Variants in TSPAN9 observed in about 807,000 individuals in gnomAD.
TSPAN9 encodes tetraspanin 9, also known as tetraspanin-9.
A neutral mutation model predicts 31.0 loss-of-function variants in TSPAN9; 16 were observed. That is an observed-to-expected ratio of 0.52 (90% CI 0.35 to 0.78). TSPAN9 has a LOEUF of 0.78. Among genes scored for constraint, TSPAN9 ranks in the 30% least tolerant of loss-of-function variants. TSPAN9 has a pLI of 0.01. For missense variants in TSPAN9, 272 were observed against 312.5 expected (o/e 0.87, Z 0.98); for synonymous variants, 145 against 121.6 (o/e 1.19, Z -1.27).
chr12:3,115,682 GCA>G (rs2098321952), intron 2 of TSPAN9, among the ~76,000 whole-genome samples: 1 of 152,080 alleles, frequency 6.6e-6, no homozygotes, highest in Non-Finnish European at 1.5e-5. Flanking sequence ...TTTAATTAGG[GCA>G]CAATCCCATT....
intron 2 of TSPAN9, among the ~76,000 whole-genome samples, chr12:3,088,375 C>T (rs762687048): frequency 3.9e-5 from 6 of 152,154 alleles, no homozygotes; most frequent in Admixed American, 6.5e-5. Flanking sequence ...ACAGCATCAC[C>T]CATGGTGTGA....
intron 2 of TSPAN9, among the ~76,000 whole-genome samples, chr12:3,155,975 C>A (rs556053043): frequency 6.6e-6 from 1 of 152,148 alleles, no homozygotes; most frequent in Non-Finnish European, 1.5e-5. Flanking sequence ...ACAGCCATGA[C>A]GTATGAGCCT....
intron 3 of TSPAN9, among the ~76,000 whole-genome samples, chr12:3,213,327 C>A (rs1303054635): frequency 6.6e-6 from 1 of 152,192 alleles, no homozygotes; most frequent in African/African-American, 2.4e-5. Context: ...TCACTCTGCC[C>A]CCTGCCCTCT....
At chr12:3,115,793 G>T (rs2098322013) in intron 2 of TSPAN9, among the ~76,000 whole-genome samples, 1 of 152,106 alleles carries the variant, frequency 6.6e-6, no homozygotes, top group African/African-American at 2.4e-5. Context: ...GAATATTTTG[G>T]GGACACAAAT....
Position 3,281,256 on chromosome 12 carries a change from C to T in TSPAN9, c.491C>T (p.Thr164Met), listed in dbSNP as rs765122840. The T allele has an allele frequency of 2.2e-5, 34 of 1,551,256 alleles. No individual in the cohort carries two copies. The highest frequency in any genetic ancestry group is 1.6e-4 in the Admixed American group (8 of 50,992). ...TDWYPVLGEN[T>M]VPDRCCMENS... is the part of the protein sequence containing the mutation. The stretch of plus-strand genomic sequence containing the variant: ...TGGTACCCAGTGCTGGGGGAGAACA[C>T]GGTTCCCGACCGCTGCTGCATGGAG... Residue 164 changes from threonine to methionine, a missense_variant, in exon 7 of 9, where the codon ACG becomes ATG. Transcript: ENST00000011898.
intron 2 of TSPAN9, among the ~76,000 whole-genome samples, chr12:3,188,598 C>T (rs1438937157): frequency 6.6e-6 from 1 of 152,080 alleles, no homozygotes; most frequent in African/African-American, 2.4e-5. Flanking sequence ...TGTGCCCTGG[C>T]GCCTGGCCTG....
chr12:3,230,226 C>T (rs559717324), intron 3 of TSPAN9, among the ~76,000 whole-genome samples: 22 of 152,246 alleles, frequency 1.4e-4, no homozygotes, highest in African/African-American at 4.6e-4. Flanking sequence ...AGGCCGGTGC[C>T]GGTTATAGGC....
intron 3 of TSPAN9, among the ~76,000 whole-genome samples, chr12:3,248,700 G>A (rs1256517359): frequency 2.0e-5 from 3 of 151,642 alleles, no homozygotes; most frequent in Admixed American, 6.6e-5. Context: ...GTTTGGTTAT[G>A]CCCCCTGCTC....
At chr12:3,117,138 C>T (rs1245041007) in intron 2 of TSPAN9, among the ~76,000 whole-genome samples, 1 of 152,140 alleles carries the variant, frequency 6.6e-6, no homozygotes, top group East Asian at 1.9e-4. Flanking sequence ...AAGGCCTGTC[C>T]CCATTTCCCC....
At chr12:3,198,888 T>TCAGCACAGGCCACCAC (rs2098369471) in intron 2 of TSPAN9, among the ~76,000 whole-genome samples, 3 of 115,008 alleles carry the variant, frequency 2.6e-5, no homozygotes, top group South Asian at 2.9e-4. Context: ...CAGGTCACCA[T>TCAGCACAGGCCACCAC]CAGCACAGGT....
chr12:3,207,380 G>C (rs1265987412), intron 3 of TSPAN9, among the ~76,000 whole-genome samples: 1 of 152,168 alleles, frequency 6.6e-6, no homozygotes, highest in African/African-American at 2.4e-5. Flanking sequence ...CCATCGGGCA[G>C]AGTTAAGTCT....
intron 2 of TSPAN9, among the ~76,000 whole-genome samples, chr12:3,146,091 C>T (rs538352233): frequency 1.3e-5 from 2 of 152,384 alleles, no homozygotes; most frequent in South Asian, 2.1e-4. Context: ...AGCCCACTCC[C>T]CTCCTGGACC....
At chr12:3,224,098 T>C (rs1329979282) in intron 3 of TSPAN9, among the ~76,000 whole-genome samples, 1 of 152,206 alleles carries the variant, frequency 6.6e-6, no homozygotes, top group East Asian at 1.9e-4. Flanking sequence ...AAATTTTTTT[T>C]CTGAATTGAT....
At position 3,143,530 on chromosome 12, in the gene TSPAN9, A is replaced by T. The variant is rs1251458634; in HGVS notation, c.-17-57647A>T. Among the ~76,000 whole-genome samples, 1 of 152,046 alleles carries T rather than the reference A, an allele frequency of 6.6e-6. No homozygotes were observed. Among genetic ancestry groups the T allele is most frequent in the African/African-American group, 2.4e-5 (1 of 41,432 alleles). ...TTTCTTCTGTCCCACTTATTTATTCAATTAGTTATTTTTATCATTACAGAC... is the reference window on the plus strand; with the variant it reads ...TTTCTTCTGTCCCACTTATTTATTCTATTAGTTATTTTTATCATTACAGAC... On this transcript the variant is annotated intron_variant, in intron 2 of 8. Coordinates refer to ENST00000011898, the MANE Select transcript of TSPAN9 (RefSeq NM_006675.5). This position sits in a 1 kb window ranked among gnomAD's most constrained non-coding sequence, Gnocchi z 4.2.
intron 2 of TSPAN9, among the ~76,000 whole-genome samples, chr12:3,091,280 G>T (rs1195029839): frequency 6.6e-6 from 1 of 152,262 alleles, no homozygotes; most frequent in African/African-American, 2.4e-5. Context: ...CCAGGCCTAT[G>T]TGATTCACAG....
chr12:3,225,704 G>A (rs555342542), intron 3 of TSPAN9, among the ~76,000 whole-genome samples: 1 of 152,224 alleles, frequency 6.6e-6, no homozygotes, highest in African/African-American at 2.4e-5. Context: ...GAAGCCAGGG[G>A]CCGAGTAATT....
intron 2 of TSPAN9, among the ~76,000 whole-genome samples, chr12:3,177,383 C>T (rs545296893): frequency 1.7e-4 from 25 of 151,426 alleles, no homozygotes; most frequent in East Asian, 1.2e-3. Flanking sequence ...GTGATCTGTC[C>T]GCCTCGGCCT....
intron 2 of TSPAN9, among the ~76,000 whole-genome samples, chr12:3,175,737 CTG>C (rs2098355171): frequency 6.6e-6 from 1 of 152,220 alleles, no homozygotes; most frequent in South Asian, 2.1e-4. Flanking sequence ...GTTTCTCCTT[CTG>C]TGCTACCCTG....
intron 2 of TSPAN9, among the ~76,000 whole-genome samples, chr12:3,199,662 A>G (rs995396913): frequency 1.1e-4 from 16 of 152,136 alleles, no homozygotes; most frequent in Admixed American, 3.9e-4. Context: ...CAGCGTCCCA[A>G]CCGAGAACGC....
Sources: allele counts gnomAD v4.1 joint callset (sites outside exome capture counted in the v4.1 genomes callset), GRCh38; gene constraint gnomAD v4.1.1; non-coding constraint Gnocchi (gnomAD v3.1); transcripts MANE v1.5; gene names NCBI Gene and HGNC (gene_info 2026-07-23, HGNC 2026-07-21).